The following NEBL variants were observed in gnomAD, a reference collection of about 807,000 sequenced individuals.
NEBL encodes the protein nebulette.
Under a neutral mutation model 140.2 loss-of-function variants are expected in NEBL, and 122 were observed. That is an observed-to-expected ratio of 0.87 (90% CI 0.75 to 1.01). The LOEUF (loss-of-function observed/expected upper bound fraction) is 1.01. Among genes scored for constraint, NEBL ranks in the 50% least tolerant of loss-of-function variants. The pLI is 0.00. For missense variants in NEBL, 1,365 were observed against 1,231.3 expected, an observed-to-expected ratio of 1.11 and a Z score of -1.62; for synonymous variants, 436 against 398.9, an observed-to-expected ratio of 1.09 and a Z score of -1.11.
chr10:20,938,178 G>T (rs570481839), intron 4 of NEBL, among the ~76,000 whole-genome samples: 2 of 152,192 alleles, frequency 1.3e-5, no homozygotes, highest in African/African-American at 4.8e-5. Context: ...GCCTAGCTGG[G>T]AGGCACCCCC....
At chr10:21,017,139 G>A (rs1050045833) in intron 3 of NEBL, among the ~76,000 whole-genome samples, 1 of 152,162 alleles carries the variant, frequency 6.6e-6, no homozygotes, top group Non-Finnish European at 1.5e-5. Flanking sequence ...TGAAAGGGCA[G>A]GTTATCGAAA....
chr10:21,248,206 G>T (rs1454092455), intron 2 of NEBL: 1 of 158,530 alleles, frequency 6.3e-6, no homozygotes, highest in Non-Finnish European at 1.4e-5. Flanking sequence ...AAGTAGCTGG[G>T]ACTACAGGCA....
chr10:21,228,615 T>C (rs988414746), intron 3 of NEBL, among the ~76,000 whole-genome samples: 2 of 152,216 alleles, frequency 1.3e-5, no homozygotes, highest in Non-Finnish European at 2.9e-5. Flanking sequence ...AAAATAATTT[T>C]ATTAAATCAC....
chr10:20,935,468 G>C (rs1402034498), intron 4 of NEBL, among the ~76,000 whole-genome samples: 1 of 152,096 alleles, frequency 6.6e-6, no homozygotes. Context: ...ACACCCCCAA[G>C]AACATGCTCC....
At chr10:20,943,152 C>T (rs1282147601) in intron 4 of NEBL, among the ~76,000 whole-genome samples, 8 of 152,112 alleles carry the variant, frequency 5.3e-5, no homozygotes, top group East Asian at 1.9e-4. Flanking sequence ...ATGTTTATTG[C>T]GGCACTATTC....
At chr10:20,929,317 A>G (rs1834066464) in intron 4 of NEBL, among the ~76,000 whole-genome samples, 1 of 152,052 alleles carries the variant, frequency 6.6e-6, no homozygotes, top group Admixed American at 6.6e-5. Context: ...AGACTTATTC[A>G]CAGCTATTAA....
intron 3 of NEBL, among the ~76,000 whole-genome samples, chr10:20,981,433 C>T (rs1837036781): frequency 6.6e-6 from 1 of 151,858 alleles, no homozygotes; most frequent in Admixed American, 6.6e-5. Context: ...AATTATAAAA[C>T]AATCACTTTA....
At chr10:21,030,811 T>G (rs961333642) in intron 2 of NEBL, 6 of 357,588 alleles carry the variant, frequency 1.7e-5, no homozygotes, top group African/African-American at 8.5e-5. Context: ...AATACGGAAT[T>G]TGTGACAATG....
upstream of NEBL, among the ~76,000 whole-genome samples, chr10:20,900,218 C>G (rs788977): frequency 0.27 from 40,312 of 152,104 alleles, 5,541 homozygotes; most frequent in East Asian, 0.47. Flanking sequence ...CTTTAGTACT[C>G]TACGCATGCC....
intron 2 of NEBL, among the ~76,000 whole-genome samples, chr10:21,074,393 T>C (rs114678832): frequency 0.034 from 5,191 of 152,284 alleles, 274 homozygotes; most frequent in African/African-American, 0.12. Context: ...ATCATCCACT[T>C]CACAGAGGAT....
chr10:21,042,932 A>T (rs1008502747), intron 2 of NEBL, among the ~76,000 whole-genome samples: 2 of 152,284 alleles, frequency 1.3e-5, no homozygotes, highest in South Asian at 4.1e-4. Context: ...TGAACCATTT[A>T]ATTAAGTCCT....
At chr10:21,025,134 T>G (rs185867636) in intron 2 of NEBL, among the ~76,000 whole-genome samples, 1 of 152,130 alleles carries the variant, frequency 6.6e-6, no homozygotes, top group East Asian at 1.9e-4. Flanking sequence ...GAAATGGATG[T>G]TCAAAGAGAA....
At position 21,232,072 on chromosome 10, in the gene NEBL, G is replaced by A. The variant is rs74372604; in HGVS notation, n.348+15849C>T. On this transcript the variant is annotated intron_variant and non_coding_transcript_variant, in intron 3 of 8. Coordinates refer to the NEBL transcript ENST00000675702. ...CAAAGCCATGCCAGACAAGGGTTAA[G>A]TCACACTTCCCTACGCTTCGAGAAT... Among the ~76,000 whole-genome samples, 1,017 of 152,202 alleles carry A rather than the reference G, an allele frequency of 6.7e-3. 12 individuals carry two copies. Among genetic ancestry groups the A allele is most frequent in the African/African-American group, 0.023 (955 of 41,520 alleles).
chr10:21,044,124 C>T (rs533947092), intron 2 of NEBL, among the ~76,000 whole-genome samples: 53 of 152,256 alleles, frequency 3.5e-4, no homozygotes, highest in African/African-American at 1.3e-3. Context: ...AGGCAGGGCA[C>T]GATGGCTCAC....
intron 4 of NEBL, among the ~76,000 whole-genome samples, chr10:20,912,147 T>A (rs559815864): frequency 6.6e-6 from 1 of 152,358 alleles, no homozygotes; most frequent in South Asian, 2.1e-4. Flanking sequence ...TGAAAATGAC[T>A]TTTAAAAATA....
chr10:21,242,219 G>A (rs1320732031), intron 3 of NEBL, among the ~76,000 whole-genome samples: 1 of 151,804 alleles, frequency 6.6e-6, no homozygotes, highest in African/African-American at 2.4e-5. Flanking sequence ...GGAAAAAAAA[G>A]AAAAGAAAAG....
chr10:20,810,065 G>T (rs952401488), intron 24 of NEBL, among the ~76,000 whole-genome samples, 167 bp from the exon 25 acceptor site: 2 of 151,936 alleles, frequency 1.3e-5, no homozygotes, highest in African/African-American at 4.8e-5. Flanking sequence ...CTTCAGAAGA[G>T]AATGAAAAAA....
At chr10:21,048,297 G>A (rs1318070347) in intron 2 of NEBL, among the ~76,000 whole-genome samples, 1 of 152,070 alleles carries the variant, frequency 6.6e-6, no homozygotes, top group Non-Finnish European at 1.5e-5. Context: ...CCTTCAAGGA[G>A]AGTCACAGAC....
chr10:21,117,379 C>A (rs758431212), intron 2 of NEBL, among the ~76,000 whole-genome samples: 4 of 152,164 alleles, frequency 2.6e-5, no homozygotes, highest in African/African-American at 4.8e-5. Flanking sequence ...GTTCTCCTAA[C>A]CTTGGTTAGA....
Sources: gnomAD v4.1 joint callset for allele counts (sites outside exome capture counted in the v4.1 genomes callset) on GRCh38, gnomAD v4.1.1 for gene constraint, MANE v1.5 for transcripts, NCBI Gene and HGNC (gene_info 2026-07-23, HGNC 2026-07-21) for gene names.